The following DACH1 variants were observed in gnomAD, a reference collection of about 807,000 sequenced individuals.
DACH1 encodes dachshund homolog 1.
In DACH1, 12 loss-of-function variants were observed where a neutral mutation model predicts 54.2. The ratio of observed to expected loss-of-function variants is 0.22; its 90% CI spans 0.14 to 0.36. DACH1 has a LOEUF of 0.36. DACH1 is among the 10% of genes least tolerant of loss of function. The pLI is 1.00. For missense variants in DACH1, 805 were observed against 929.8 expected (o/e 0.87, Z 1.75); for synonymous variants, 386 against 366.2 (o/e 1.05, Z -0.62).
intron 1 of DACH1, among the ~76,000 whole-genome samples, chr13:71,772,565 A>G (rs992163480): frequency 4.0e-5 from 6 of 151,762 alleles, no homozygotes; most frequent in African/African-American, 1.4e-4. Context: ...TCACACTGCT[A>G]TTTTAATCAT....
intron 1 of DACH1, among the ~76,000 whole-genome samples, chr13:71,864,175 G>GCACACACACA (rs1207375809): frequency 1.0e-5 from 1 of 96,994 alleles, no homozygotes; most frequent in African/African-American, 5.6e-5. Flanking sequence ...GCGCGCGCGC[G>GCACACACACA]CACATACACA....
chr13:71,730,979 A>AT (rs550123682), intron 1 of DACH1, among the ~76,000 whole-genome samples: 431 of 152,060 alleles, frequency 2.8e-3, no homozygotes, highest in Non-Finnish European at 4.5e-3. Flanking sequence ...TTTAATTTAT[A>AT]TTTTTTTCAA....
At chr13:71,731,623 C>A (rs923109344) in intron 1 of DACH1, among the ~76,000 whole-genome samples, 8 of 152,100 alleles carry the variant, frequency 5.3e-5, no homozygotes, top group African/African-American at 1.7e-4. Flanking sequence ...ATGGAATATT[C>A]TTTTTACCTA....
In DACH1 at chr13:71,642,739, G is replaced by A. The variant is rs76396051; in HGVS notation, c.965-12022C>T. Among the ~76,000 whole-genome samples, 191 of 152,204 alleles carry A rather than the reference G, an allele frequency of 1.3e-3. 2 individuals are homozygous for A. In the East Asian group the frequency reaches 0.03, roughly 24 times the overall value. On this transcript the variant is annotated intron_variant, in intron 2 of 10. Coordinates refer to ENST00000613252, the MANE Select transcript of DACH1 (RefSeq NM_080759.6). ...GATTGGTTTAAAAATTACTAACTCA[G>A]GCCGGGCGCAGTGGCTCATGGCTGT...
chr13:71,535,107 AATTT>A (rs1882677722), intron 6 of DACH1, among the ~76,000 whole-genome samples: 3 of 151,764 alleles, frequency 2.0e-5, no homozygotes. Flanking sequence ...TGTTTTACAT[AATTT>A]ATTTAATTTT....
At chr13:71,739,291 A>G (rs1337429558) in intron 1 of DACH1, among the ~76,000 whole-genome samples, 1 of 152,010 alleles carries the variant, frequency 6.6e-6, no homozygotes, top group African/African-American at 2.4e-5. Flanking sequence ...GCCAATGAAA[A>G]GAAGTGATGG....
intron 1 of DACH1, among the ~76,000 whole-genome samples, chr13:71,833,660 A>T (rs756991510): frequency 6.6e-6 from 1 of 151,960 alleles, no homozygotes; most frequent in African/African-American, 2.4e-5. Context: ...TTTTTGATTT[A>T]TAAGAGTATT....
intron 1 of DACH1, among the ~76,000 whole-genome samples, chr13:71,803,826 C>CA (rs1242989726): frequency 6.6e-6 from 1 of 152,166 alleles, no homozygotes; most frequent in Non-Finnish European, 1.5e-5. Context: ...GCTGATATCT[C>CA]AGCACCTTCT....
intron 1 of DACH1, among the ~76,000 whole-genome samples, chr13:71,833,902 A>C (rs1181748471): frequency 6.6e-6 from 1 of 152,068 alleles, no homozygotes; most frequent in Admixed American, 6.6e-5. Context: ...AAATAGCACA[A>C]GATATTTAAA....
intron 2 of DACH1, among the ~76,000 whole-genome samples, chr13:71,641,721 A>G (rs779446748): frequency 3.3e-5 from 5 of 152,176 alleles, no homozygotes; most frequent in African/African-American, 4.8e-5. Flanking sequence ...AAGGGAATGA[A>G]GCCCTTATCT....
chr13:71,666,700 G>A (rs764972985), intron 2 of DACH1, among the ~76,000 whole-genome samples: 1 of 152,084 alleles, frequency 6.6e-6, no homozygotes, highest in Admixed American at 6.6e-5. Flanking sequence ...AGTAAAAAAC[G>A]ACCAGGTGCA....
intron 3 of DACH1, among the ~76,000 whole-genome samples, chr13:71,579,436 C>A (rs7320401): frequency 2.0e-5 from 3 of 151,744 alleles, no homozygotes; most frequent in African/African-American, 7.3e-5. Flanking sequence ...CTAAAGAGAA[C>A]GGGAAACAAA....
chr13:71,669,714 A>T (rs1213563120), intron 2 of DACH1, among the ~76,000 whole-genome samples: 2 of 152,184 alleles, frequency 1.3e-5, no homozygotes, highest in Admixed American at 1.3e-4. Context: ...GGTGGTCTTT[A>T]CATGATAAAG....
At chr13:71,468,893 T>C (rs1265001119) in intron 10 of DACH1, among the ~76,000 whole-genome samples, 1 of 152,214 alleles carries the variant, frequency 6.6e-6, no homozygotes, top group African/African-American at 2.4e-5. Flanking sequence ...CAATGGCTGA[T>C]GAAAAAGTAA....
chr13:71,463,258 G>A (rs1415427934), intron 10 of DACH1, among the ~76,000 whole-genome samples: 1 of 151,868 alleles, frequency 6.6e-6, no homozygotes, highest in Non-Finnish European at 1.5e-5. Context: ...GTAAACTAGT[G>A]AATTTATTTT....
intron 10 of DACH1, among the ~76,000 whole-genome samples, chr13:71,467,807 A>T (rs1876727737): frequency 6.6e-6 from 1 of 152,124 alleles, no homozygotes; most frequent in Non-Finnish European, 1.5e-5. Flanking sequence ...GACTAGAGGG[A>T]AATTTATTGT....
In DACH1 at chr13:71,866,550, C is replaced by CGCCGCT; in HGVS notation, c.219_220insAGCGGC (p.Thr73_Gly74insSerGly). 1 of 1,253,214 alleles carries CGCCGCT rather than the reference C, an allele frequency of 8.0e-7. No individual in the cohort carries two copies. Among genetic ancestry groups the CGCCGCT allele is most frequent in the Non-Finnish European group, 1.0e-6 (1 of 996,038 alleles). The allele number at this position is 1,253,214 out of a possible 1,614,324, so 77.6% of individuals were successfully genotyped here. A position where few individuals can be genotyped will look rare whatever the true frequency, so the allele number is the denominator to read the frequency against. The stretch of plus-strand genomic sequence containing the variant: ...CTGCCGCCGCCGCCGCCGCCGCCGC[C>CGCCGCT]GGTAGAGGTGACTGTGGCCGCCGCC... On this transcript the variant is annotated inframe_insertion, in exon 1 of 11. Transcript: ENST00000613252.
At chr13:71,859,460 T>G (rs140148908) in intron 1 of DACH1, among the ~76,000 whole-genome samples, 4 of 151,984 alleles carry the variant, frequency 2.6e-5, no homozygotes. Context: ...TTCATTAAAT[T>G]AATTTTAATT....
At chr13:71,747,467 G>A (rs774644633) in intron 1 of DACH1, among the ~76,000 whole-genome samples, 2 of 152,086 alleles carry the variant, frequency 1.3e-5, no homozygotes, top group African/African-American at 2.4e-5. Flanking sequence ...TGTAGTCCCA[G>A]CTACTAGGAA....
Sources: gnomAD v4.1 joint callset for allele counts (sites outside exome capture counted in the v4.1 genomes callset) on GRCh38, gnomAD v4.1.1 for gene constraint, MANE v1.5 for transcripts, NCBI Gene and HGNC (gene_info 2026-07-23, HGNC 2026-07-21) for gene names.